STK38L: variants seen among roughly 807,000 people sequenced by gnomAD.
STK38L encodes the protein serine/threonine-protein kinase 38-like.
Under a neutral mutation model 59.7 loss-of-function variants are expected in STK38L, and 28 were observed. That is an observed-to-expected ratio of 0.47 (90% CI 0.35 to 0.64). The LOEUF is 0.64. STK38L is among the 30% of genes least tolerant of loss of function. STK38L has a pLI of 0.01. For missense variants in STK38L, 314 were observed against 555.8 expected (o/e 0.56, Z 4.37); for synonymous variants, 162 against 176.8 (o/e 0.92, Z 0.66).
At chr12:27,317,769 T>A in intron 10 of STK38L, 127 bp from the exon 11 acceptor site, 1 of 1,136,876 alleles carries the variant, frequency 8.8e-7, no homozygotes, top group Non-Finnish European at 1.2e-6. Flanking sequence ...AATTGATGAA[T>A]GGTGGCATTT....
intron 1 of STK38L, among the ~76,000 whole-genome samples, chr12:27,270,914 G>A (rs1163032705): frequency 6.6e-6 from 1 of 152,208 alleles, no homozygotes; most frequent in Non-Finnish European, 1.5e-5. Context: ...TGGCTTAGTA[G>A]AGAGATCCTA....
At chr12:27,294,243 G>C (rs560929222) in intron 1 of STK38L, among the ~76,000 whole-genome samples, 3 of 151,720 alleles carry the variant, frequency 2.0e-5, no homozygotes, top group African/African-American at 7.3e-5. Flanking sequence ...GGGAAGGCTA[G>C]GCAAGGTGGC....
At position 27,315,033 on chromosome 12, in the gene STK38L, G is replaced by C; in HGVS notation, c.691G>C (p.Asp231His). Residue 231 changes from aspartate to histidine, a missense_variant, in exon 8 of 14, where the codon GAT (aspartate) becomes CAT (histidine). This residue lies in a region of STK38L where 192 missense variants were observed against 316.9 expected (regional missense o/e 0.61). Transcript: ENST00000389032. ...TTTTTAGGGTCATGTAAAATTATCTGATTTTGGTTTATGTACGGGATTAAA... is the reference window on the plus strand; with the variant it reads ...TTTTTAGGGTCATGTAAAATTATCTCATTTTGGTTTATGTACGGGATTAAA... ...LDAKGHVKLSDFGLCTGLKKA... is the reference protein window; with the variant it reads ...LDAKGHVKLSHFGLCTGLKKA... The C allele has an allele frequency of 6.2e-7, 1 of 1,608,288 alleles. No individual in the cohort carries two copies. The highest frequency in any genetic ancestry group is 8.5e-7 in the Non-Finnish European group (1 of 1,178,312).
At chr12:27,306,942 G>GA (rs1455801823) in intron 3 of STK38L, among the ~76,000 whole-genome samples, 1 of 152,030 alleles carries the variant, frequency 6.6e-6, no homozygotes, top group Non-Finnish European at 1.5e-5. Context: ...TGTTGGCCAG[G>GA]ATGGTCTCGA....
At chr12:27,256,106 T>A (rs1943086432) in intron 1 of STK38L, among the ~76,000 whole-genome samples, 1 of 152,226 alleles carries the variant, frequency 6.6e-6, no homozygotes, top group South Asian at 2.1e-4. Context: ...CTGCCTTTGC[T>A]CTTCCTCCAG....
At chr12:27,322,077 A>G (rs1591951818) in intron 12 of STK38L, 66 bp from the exon 13 acceptor site, 12 of 1,397,726 alleles carry the variant, frequency 8.6e-6, no homozygotes, top group Non-Finnish European at 1.1e-5. Context: ...ATTTACAAGT[A>G]GAATTATTTG....
chr12:27,265,347 T>G (rs1357733764), intron 1 of STK38L, among the ~76,000 whole-genome samples: 1 of 152,202 alleles, frequency 6.6e-6, no homozygotes, highest in Non-Finnish European at 1.5e-5. Flanking sequence ...TCCCATGTCA[T>G]GAATTATGGC....
intron 1 of STK38L, among the ~76,000 whole-genome samples, chr12:27,268,706 A>G (rs1239170295): frequency 6.6e-6 from 1 of 152,212 alleles, no homozygotes; most frequent in Non-Finnish European, 1.5e-5. Context: ...TGACTTCCAC[A>G]ATGGTTGAAC....
intron 1 of STK38L, among the ~76,000 whole-genome samples, chr12:27,295,256 T>C (rs1165250274): frequency 1.3e-5 from 2 of 152,226 alleles, no homozygotes; most frequent in Non-Finnish European, 2.9e-5. Context: ...CTTACATTTG[T>C]ATAAGCCATT....
intron 8 of STK38L, 27 bp downstream of exon 8, chr12:27,315,144 T>G: frequency 6.2e-7 from 1 of 1,601,046 alleles, no homozygotes; most frequent in Non-Finnish European, 8.6e-7. Context: ...TTTTTCTTCT[T>G]TCCCCTGGTT....
intron 1 of STK38L, among the ~76,000 whole-genome samples, chr12:27,262,945 T>C (rs1943232496): frequency 6.6e-6 from 1 of 151,954 alleles, no homozygotes. Flanking sequence ...ATTACAGGCG[T>C]GCACCACCAT....
rs1186776324 is a variant in STK38L, at chr12:27,258,765, G to A, written c.-12+14433G>A. Among the ~76,000 whole-genome samples the A allele has an allele frequency of 3.3e-5, 5 of 152,120 alleles. No homozygotes were observed. In the South Asian group the frequency reaches 1.0e-3, roughly 32 times the overall value. The stretch of plus-strand genomic sequence containing the variant: ...TTAATATTCTGTTAAAATTGTTTTA[G>A]ATCTGACTCTGCTCTCCTTTTTTTC... On this transcript the variant is annotated intron_variant, in intron 1 of 13. Coordinates refer to ENST00000389032, the MANE Select transcript of STK38L (RefSeq NM_015000.4).
chr12:27,286,116 C>CT lies in STK38L; in HGVS notation c.-11-11586dup, dbSNP rs772698205. On this transcript the variant is annotated intron_variant, in intron 1 of 13. Transcript: ENST00000389032. ...TTTAGTTTTGTTCCATGACATCCAA[C>CT]TTTTTTTTGCTGTTCTTTGCTGTTC... 8.5e-5 allele frequency among the ~76,000 whole-genome samples: 13 copies of CT among 152,074 alleles called. No homozygotes were observed. The East Asian group carries it at 9.6e-4, about 11-fold the overall frequency.
chr12:27,258,355 C>T (rs973632885), intron 1 of STK38L, among the ~76,000 whole-genome samples: 3 of 151,830 alleles, frequency 2.0e-5, no homozygotes, highest in Non-Finnish European at 4.4e-5. Flanking sequence ...GATGGAGTCT[C>T]ACTTTGTCAC....
At chr12:27,289,110 AT>A (rs941040573) in intron 1 of STK38L, among the ~76,000 whole-genome samples, 1 of 152,102 alleles carries the variant, frequency 6.6e-6, no homozygotes, top group African/African-American at 2.4e-5. Flanking sequence ...TCAGCTGAAC[AT>A]TTTTTTGCAG....
chr12:27,260,443 T>C (rs1176755070), intron 1 of STK38L, among the ~76,000 whole-genome samples: 2 of 152,216 alleles, frequency 1.3e-5, no homozygotes, highest in African/African-American at 4.8e-5. Context: ...GTGTGAATTC[T>C]CATGGGCATA....
intron 2 of STK38L, chr12:27,300,536 T>C (rs747140846): frequency 1.5e-5 from 7 of 456,068 alleles, no homozygotes; most frequent in South Asian, 1.1e-4. Context: ...CCTCTTACTC[T>C]CTGGATTCTT....
chr12:27,315,201 A>C, intron 8 of STK38L, 84 bp downstream of exon 8: 1 of 1,569,412 alleles, frequency 6.4e-7, no homozygotes, highest in Non-Finnish European at 8.8e-7. Flanking sequence ...CCCACTCCTT[A>C]ATCCACTGTG....
intron 1 of STK38L, among the ~76,000 whole-genome samples, chr12:27,244,613 G>A (rs1591834959): frequency 6.6e-6 from 1 of 152,160 alleles, no homozygotes; most frequent in Non-Finnish European, 1.5e-5. Flanking sequence ...CGGCCCCCGA[G>A]CACTCCGCTC....
Sources: gnomAD v4.1 joint callset for allele counts (sites outside exome capture counted in the v4.1 genomes callset) on GRCh38, gnomAD v4.1.1 for gene constraint, gnomAD v4.1.1 regional missense constraint, MANE v1.5 for transcripts, NCBI Gene and HGNC (gene_info 2026-07-23, HGNC 2026-07-21) for gene names.